The following C8orf89 variants were observed in gnomAD, a reference collection of about 807,000 sequenced individuals.
C8orf89 encodes chromosome 8 open reading frame 89.
C8orf89 carries 14 observed loss-of-function variants against 15.8 expected under a neutral mutation model. The ratio of observed to expected loss-of-function variants is 0.89; its 90% CI spans 0.59 to 1.39. C8orf89 has a LOEUF of 1.39. Ranked by LOEUF, C8orf89 falls within the 40% of genes most tolerant of loss-of-function variation. The pLI, the probability that C8orf89 is intolerant of heterozygous loss-of-function variation, is 0.00. For missense variants in C8orf89, 181 were observed against 184.5 expected (o/e 0.98, Z 0.11); for synonymous variants, 55 against 62.2 (o/e 0.88, Z 0.54).
chr8:73,261,760 T>C (rs572525086), upstream of C8orf89, among the ~76,000 whole-genome samples: 14 of 152,186 alleles, frequency 9.2e-5, no homozygotes, highest in South Asian at 1.5e-3. Flanking sequence ...TTAGGAAACG[T>C]AGTCAGGGAC....
the C8orf89 span, among the ~76,000 whole-genome samples, chr8:73,269,021 G>T: frequency 1.3e-5 from 2 of 152,100 alleles, no homozygotes; most frequent in Non-Finnish European, 2.9e-5. Context: ...TTAGAACTTA[G>T]CCATGTGGTC....
intron 1 of C8orf89, among the ~76,000 whole-genome samples, chr8:73,259,093 C>T (rs985066938): frequency 2.6e-5 from 4 of 151,944 alleles, no homozygotes; most frequent in African/African-American, 9.7e-5. Context: ...TTCTTTCAGA[C>T]AAATTTGAGT....
intron 3 of C8orf89, among the ~76,000 whole-genome samples, chr8:73,243,182 G>A (rs921594092): frequency 1.8e-4 from 27 of 152,110 alleles, no homozygotes; most frequent in Non-Finnish European, 4.4e-5. Flanking sequence ...AGAGATGCGG[G>A]GGAAGTGGGG....
intron 1 of C8orf89, among the ~76,000 whole-genome samples, chr8:73,258,996 C>G (rs1368338906): frequency 1.3e-5 from 2 of 151,978 alleles, no homozygotes; most frequent in Admixed American, 6.6e-5. Context: ...ATAAAAATCA[C>G]CTTGAGTTAT....
At chr8:73,250,234 G>C in intron 3 of C8orf89, 34 bp downstream of exon 3, 1 of 1,445,684 alleles carries the variant, frequency 6.9e-7, no homozygotes, top group Non-Finnish European at 9.4e-7. Flanking sequence ...TGACACCCAA[G>C]AGAGGTAGTA....
chr8:73,269,462 T>G, the C8orf89 span, among the ~76,000 whole-genome samples: 14 of 152,180 alleles, frequency 9.2e-5, 1 homozygote, highest in Non-Finnish European at 2.1e-4. Context: ...CCAAACCTAA[T>G]ACAATAGAAA....
At chr8:73,270,166 CATT>C in the C8orf89 span, among the ~76,000 whole-genome samples, 1 of 151,962 alleles carries the variant, frequency 6.6e-6, no homozygotes, top group African/African-American at 2.4e-5. Context: ...AAACCTCAGT[CATT>C]ATAATAAAAA....
At position 73,257,144 on chromosome 8, in the gene C8orf89, A is replaced by C. The variant is rs1385077707; in HGVS notation, c.128-18T>G. ...GGTATATTCTGGTTAAAAATATATA[A>C]GAATCATCTTGATTAAATGCATACT... is the stretch of plus-strand genomic sequence containing the variant. On this transcript the variant is annotated intron_variant, in intron 1 of 3. Coordinates refer to ENST00000624510, the MANE Select transcript of C8orf89 (RefSeq NM_001243237.3). 3 of 1,487,384 alleles carry C rather than the reference A, an allele frequency of 2.0e-6. No homozygotes were observed. The East Asian group carries it at 7.5e-5, about 37-fold the overall frequency. 92.1% of individuals were successfully genotyped at this position (1,487,384 alleles called of 1,614,324 possible).
At chr8:73,268,786 C>T in the C8orf89 span, among the ~76,000 whole-genome samples, 72 of 152,158 alleles carry the variant, frequency 4.7e-4, 1 homozygote, top group Non-Finnish European at 1.0e-3. Context: ...TGGGTAAAAC[C>T]ACATCAGCCA....
intron 3 of C8orf89, among the ~76,000 whole-genome samples, chr8:73,242,994 C>A (rs1049665564): frequency 3.3e-5 from 5 of 152,140 alleles, no homozygotes; most frequent in Non-Finnish European, 5.9e-5. Flanking sequence ...GAGATCCTGT[C>A]ATTTGCAACA....
chr8:73,267,994 T>A, the C8orf89 span, among the ~76,000 whole-genome samples: 2 of 152,296 alleles, frequency 1.3e-5, no homozygotes, highest in African/African-American at 4.8e-5. Context: ...AGCCTTTAGA[T>A]CTAACTCCTG....
At chr8:73,262,358 G>A (rs1354294854), upstream of C8orf89, among the ~76,000 whole-genome samples, 1 of 152,052 alleles carries the variant, frequency 6.6e-6, no homozygotes, top group Non-Finnish European at 1.5e-5. Flanking sequence ...TTATACCAAA[G>A]AACAGCCCTC....
the C8orf89 span, among the ~76,000 whole-genome samples, chr8:73,285,378 TC>T: frequency 6.6e-6 from 1 of 152,196 alleles, no homozygotes; most frequent in African/African-American, 2.4e-5. Flanking sequence ...CTAGTAGCCT[TC>T]CTCAGGTCCC....
At chr8:73,259,231 A>AT in intron 1 of C8orf89, 101 bp downstream of exon 1, 1 of 683,024 alleles carries the variant, frequency 1.5e-6, no homozygotes, top group Non-Finnish European at 2.2e-6. Context: ...ATTCTTACAT[A>AT]AATGTCACAG....
chr8:73,278,101 G>A, the C8orf89 span: 3 of 355,580 alleles, frequency 8.4e-6, no homozygotes, highest in Admixed American at 1.1e-4. Flanking sequence ...TGTCTGCCTG[G>A]TTCTGGCCCA....
the C8orf89 span, among the ~76,000 whole-genome samples, chr8:73,282,401 G>A: frequency 1.3e-5 from 2 of 152,252 alleles, no homozygotes; most frequent in African/African-American, 4.8e-5. Flanking sequence ...AAAGAAATTA[G>A]AAAATGGCAT....
chr8:73,259,774 A>G (rs548589459), upstream of C8orf89, among the ~76,000 whole-genome samples: 62 of 152,360 alleles, frequency 4.1e-4, 1 homozygote, highest in Non-Finnish European at 1.9e-4. Context: ...TCCATGGAAA[A>G]TAAACATGTT....
At chr8:73,242,778 A>T (rs2130240620) in intron 3 of C8orf89, among the ~76,000 whole-genome samples, 1 of 152,348 alleles carries the variant, frequency 6.6e-6, no homozygotes, top group East Asian at 1.9e-4. Flanking sequence ...TGGAGCTACC[A>T]TATGGTCCAG....
chr8:73,284,116 CAA>C, the C8orf89 span, among the ~76,000 whole-genome samples: 2 of 150,696 alleles, frequency 1.3e-5, no homozygotes, highest in Admixed American at 6.6e-5. Context: ...AAACCAATCT[CAA>C]TGAGGAATGG....
Sources: allele counts gnomAD v4.1 joint callset (sites outside exome capture counted in the v4.1 genomes callset), GRCh38; gene constraint gnomAD v4.1.1; transcripts MANE v1.5; gene names NCBI Gene and HGNC (gene_info 2026-07-23, HGNC 2026-07-21).